Variants in CNTN5 observed in about 807,000 individuals in gnomAD.
CNTN5 encodes contactin 5.
A neutral mutation model predicts 129.1 loss-of-function variants in CNTN5; 77 were observed. The observed-to-expected ratio is 0.60, with a 90% CI of 0.50 to 0.72. The LOEUF is 0.72. Among genes scored for constraint, CNTN5 ranks in the 30% least tolerant of loss-of-function variants. CNTN5 has a pLI of 0.00. For synonymous variants in CNTN5, 509 were observed against 465.6 expected, an observed-to-expected ratio of 1.09 and a Z score of -1.20; for missense variants, 1,478 against 1,328.8, an observed-to-expected ratio of 1.11 and a Z score of -1.75.
In CNTN5 at chr11:99,232,183, G is replaced by A. The variant is rs1861036835; in HGVS notation, c.-209-93163G>A. Among the ~76,000 whole-genome samples the A allele has an allele frequency of 1.3e-5, 2 of 152,094 alleles. 1 individual carries two copies. Among genetic ancestry groups the A allele is most frequent in the South Asian group, 4.1e-4 (2 of 4,828 alleles). On this transcript the variant is annotated intron_variant, in intron 1 of 24. Transcript: ENST00000524871. ...TAAAATAGTTTTTCTCTAATTTGGG[G>A]AAGAATGTCAATGGTCGTTTAATGG...
At chr11:100,110,312 G>C (rs1256905993) in intron 13 of CNTN5, among the ~76,000 whole-genome samples, 1 of 151,946 alleles carries the variant, frequency 6.6e-6, no homozygotes, top group East Asian at 1.9e-4. Context: ...GTACTAGAGT[G>C]ACAGTTTATA....
intron 13 of CNTN5, among the ~76,000 whole-genome samples, chr11:100,124,788 A>G (rs1946131317): frequency 6.6e-6 from 1 of 152,076 alleles, no homozygotes. Flanking sequence ...CCTAGACAAG[A>G]GATGCATCAG....
chr11:99,386,701 C>T (rs1322062509), intron 2 of CNTN5, among the ~76,000 whole-genome samples: 1 of 152,140 alleles, frequency 6.6e-6, no homozygotes, highest in South Asian at 2.1e-4. Flanking sequence ...CCTCATTTTA[C>T]CCAGCTCCTA....
chr11:100,241,969 G>A (rs1354570555), intron 16 of CNTN5, among the ~76,000 whole-genome samples: 1 of 152,150 alleles, frequency 6.6e-6, no homozygotes, highest in Non-Finnish European at 1.5e-5. Flanking sequence ...GCCTTTGAGA[G>A]CTTTCATCAA....
chr11:99,908,654 T>C (rs1036063554), intron 6 of CNTN5, among the ~76,000 whole-genome samples: 1 of 152,022 alleles, frequency 6.6e-6, no homozygotes, highest in African/African-American at 2.4e-5. Context: ...ATATACAACT[T>C]TTTCATTGTA....
intron 6 of CNTN5, among the ~76,000 whole-genome samples, chr11:99,864,426 C>A (rs1948300335): frequency 6.6e-6 from 1 of 151,426 alleles, no homozygotes; most frequent in African/African-American, 2.4e-5. Context: ...CTAATCTTAA[C>A]CCTCTCCATA....
At chr11:99,176,780 C>T (rs1300662141) in intron 1 of CNTN5, among the ~76,000 whole-genome samples, 1 of 152,158 alleles carries the variant, frequency 6.6e-6, no homozygotes, top group Non-Finnish European at 1.5e-5. Flanking sequence ...GGTCCCTGAG[C>T]TTCCACCTTT....
At chr11:99,355,491 T>C (rs911210249) in intron 2 of CNTN5, among the ~76,000 whole-genome samples, 1 of 152,266 alleles carries the variant, frequency 6.6e-6, no homozygotes, top group South Asian at 2.1e-4. Flanking sequence ...TTTTGAGCCA[T>C]AGTGCCCTGA....
chr11:99,184,351 G>T (rs10892860), intron 1 of CNTN5, among the ~76,000 whole-genome samples: 105,697 of 151,808 alleles, frequency 0.7, 36,984 homozygotes, highest in East Asian at 0.86. Flanking sequence ...ACTCACAGCT[G>T]CTACTCCCTC....
At chr11:99,754,545 G>T (rs940802955) in intron 3 of CNTN5, among the ~76,000 whole-genome samples, 2 of 152,160 alleles carry the variant, frequency 1.3e-5, no homozygotes, top group African/African-American at 4.8e-5. Flanking sequence ...CCTCCTAAGA[G>T]AAGTTGTGGT....
At chr11:100,103,136 A>T (rs1945285960) in intron 13 of CNTN5, among the ~76,000 whole-genome samples, 2 of 152,316 alleles carry the variant, frequency 1.3e-5, no homozygotes, top group Admixed American at 1.3e-4. Flanking sequence ...CAATATTTTC[A>T]TCCACATTTT....
chr11:99,980,303 A>C (rs1938251629), intron 8 of CNTN5, among the ~76,000 whole-genome samples: 1 of 152,242 alleles, frequency 6.6e-6, no homozygotes, highest in South Asian at 2.1e-4. Context: ...ATGTATAATG[A>C]AATTGCTTGC....
At chr11:99,140,879 G>T (rs1859479044) in intron 1 of CNTN5, among the ~76,000 whole-genome samples, 1 of 138,068 alleles carries the variant, frequency 7.2e-6, no homozygotes, top group South Asian at 2.4e-4. Context: ...TTGATGTGCT[G>T]CTTGATTCTA....
rs777432657 is a variant in CNTN5, at chr11:100,061,274, G to A, written c.1043G>A (p.Arg348Gln). 18 of 1,613,440 alleles carry A rather than the reference G, an allele frequency of 1.1e-5. No individual in the cohort carries two copies. The highest frequency in any genetic ancestry group is 1.4e-5 in the Non-Finnish European group (17 of 1,179,560). The change falls in exon 10 of 25, where the codon CGG (arginine) becomes CAG (glutamine). Residue 348 changes from arginine (R) to glutamine (Q), a missense_variant. Coordinates refer to ENST00000524871, the MANE Select transcript of CNTN5 (RefSeq NM_014361.4). ...NGYIPSKARL[R>Q]KSQAVLEIPN... ...TATATTCCTAGTAAGGCACGTCTGC[G>A]GAAATCTCAGGCGGTGCTGGAAATA...
rs35329392 is a variant in CNTN5, at chr11:99,403,885, A to C, written c.-71+78401A>C. ...TATTATGTCCATTTTGTCTATAGTCAAGATTAAGTCTGATGTTTCTTTGTT... is the reference window on the plus strand; with the variant it reads ...TATTATGTCCATTTTGTCTATAGTCCAGATTAAGTCTGATGTTTCTTTGTT... On this transcript the variant is annotated intron_variant, in intron 2 of 24. Transcript: ENST00000524871. 7.2e-5 allele frequency among the ~76,000 whole-genome samples: 11 copies of C among 151,956 alleles called. 1 individual carries two copies. Among genetic ancestry groups the C allele is most frequent in the African/African-American group, 2.7e-4 (11 of 41,384 alleles).
intron 3 of CNTN5, among the ~76,000 whole-genome samples, chr11:99,608,537 T>C (rs1591354920): frequency 6.6e-6 from 1 of 152,028 alleles, no homozygotes. Context: ...GGTTTCCTTA[T>C]AAAAAGAGAA....
chr11:99,734,146 A>G (rs1467265065), intron 3 of CNTN5, among the ~76,000 whole-genome samples: 1 of 152,178 alleles, frequency 6.6e-6, no homozygotes, highest in Non-Finnish European at 1.5e-5. Context: ...GGGGTACGTG[A>G]GAAATTTTGA....
At chr11:99,084,622 T>G (rs1484129172) in intron 1 of CNTN5, among the ~76,000 whole-genome samples, 1 of 152,208 alleles carries the variant, frequency 6.6e-6, no homozygotes, top group African/African-American at 2.4e-5. Context: ...ACTTCTAGAT[T>G]TCCCTTTTTC....
At chr11:99,728,891 G>A (rs1400754656) in intron 3 of CNTN5, among the ~76,000 whole-genome samples, 1 of 152,120 alleles carries the variant, frequency 6.6e-6, no homozygotes, top group East Asian at 1.9e-4. Flanking sequence ...CATAACTTAG[G>A]AACACAGGTT....
Sources: gnomAD v4.1 joint callset for allele counts (sites outside exome capture counted in the v4.1 genomes callset) on GRCh38, gnomAD v4.1.1 for gene constraint, MANE v1.5 for transcripts, NCBI Gene and HGNC (gene_info 2026-07-23, HGNC 2026-07-21) for gene names.